The following GDNF variants were observed in gnomAD, a reference collection of about 807,000 sequenced individuals.
GDNF encodes the protein glial cell derived neurotrophic factor.
In GDNF, 5 loss-of-function variants were observed where a neutral mutation model predicts 13.7. The observed-to-expected ratio is 0.36, with a 90% CI of 0.19 to 0.77. The LOEUF is 0.77. Ranked by LOEUF, GDNF falls within the 30% of genes least tolerant of loss-of-function variation. GDNF has a pLI of 0.51. For missense variants in GDNF, 246 were observed against 274.3 expected (o/e 0.90, Z 0.73); for synonymous variants, 122 against 112.5 (o/e 1.08, Z -0.53).
chr5:37,819,453 T>TG, intron 2 of GDNF, among the ~76,000 whole-genome samples: 1 of 150,296 alleles, frequency 6.7e-6, no homozygotes, highest in South Asian at 2.1e-4. Context: ...TCTTTTTTTT[T>TG]TTTTTTTTTT....
chr5:37,825,047 G>T (rs1279973552), intron 2 of GDNF, among the ~76,000 whole-genome samples: 2 of 152,216 alleles, frequency 1.3e-5, no homozygotes, highest in Non-Finnish European at 2.9e-5. Context: ...AGAAAAAGAA[G>T]CTATGGGTGT....
Position 37,815,531 on chromosome 5 carries a change from C to T in GDNF, c.*120G>A. 1.1e-5 allele frequency: 10 copies of T among 913,628 alleles called. No homozygotes were observed. The highest frequency in any genetic ancestry group is 1.8e-5 in the Non-Finnish European group (10 of 559,108). The allele number at this position is 913,628 out of a possible 1,614,324, so 56.6% of individuals were successfully genotyped here. ...TCCTCCTCCTCCTCCTCTTCTTCTT[C>T]CTCCTCCTCCGCCTCCTTGGTCCTC... On this transcript the variant is annotated 3_prime_UTR_variant, in exon 3 of 3. Transcript: ENST00000326524. This position sits in a 1 kb window ranked among gnomAD's most constrained non-coding sequence, Gnocchi z 5.0.
chr5:37,834,213 T>C (rs1210782910), intron 2 of GDNF, among the ~76,000 whole-genome samples: 1 of 152,232 alleles, frequency 6.6e-6, no homozygotes, highest in Non-Finnish European at 1.5e-5. Context: ...AGGCGCAGTT[T>C]AGGATGAAAG....
chr5:37,819,428 A>C (rs1392534636), intron 2 of GDNF, among the ~76,000 whole-genome samples: 1 of 148,208 alleles, frequency 6.7e-6, no homozygotes, highest in African/African-American at 2.5e-5. Flanking sequence ...AAGGGGGCCC[A>C]GGGAAGTGCT....
rs767936927 is a variant in GDNF, at chr5:37,834,777, A to G, written c.20T>C (p.Val7Ala). The change falls in exon 2 of 3, where the codon GTG becomes GCG. Residue 7 changes from valine (V) to alanine (A), a missense_variant. Transcript: ENST00000326524. ...GTGGAGCAGCACCAGGCAGACAGCC[A>G]CGACATCCCATAACTTCATCTTAAA... is the stretch of plus-strand genomic sequence containing the variant. MKLWDVVAVCLVLLHTA... is the reference protein window; with the variant it reads MKLWDVAAVCLVLLHTA... 3 of 1,613,328 alleles carry G rather than the reference A, an allele frequency of 1.9e-6. No individual in the cohort carries two copies. The highest frequency in any genetic ancestry group is 2.5e-6 in the Non-Finnish European group (3 of 1,179,714).
At chr5:37,829,986 A>C (rs1750462477) in intron 2 of GDNF, among the ~76,000 whole-genome samples, 1 of 152,228 alleles carries the variant, frequency 6.6e-6, no homozygotes, top group South Asian at 2.1e-4. Flanking sequence ...ACTTTGTTAA[A>C]GTATTGTTCA....
In GDNF at chr5:37,815,762, C is replaced by A; in HGVS notation, c.525G>T (p.Gly175=). ...AGGCGATGGGTCTGCAACATGCCTG[C>A]CCTACTTTGTCACTCACCAGCCTTC... ...RNRRLVSDKV[G]QACCRPIAFD... Residue 175 remains glycine, a synonymous_variant, in exon 3 of 3, where the codon GGG becomes GGT. Transcript: ENST00000326524. This position sits in a 1 kb window ranked among gnomAD's most constrained non-coding sequence, Gnocchi z 5.0. 1 of 1,614,138 alleles carries A rather than the reference C, an allele frequency of 6.2e-7. No individual in the cohort carries two copies. The highest frequency in any genetic ancestry group is 1.7e-5 in the Admixed American group (1 of 60,016).
chr5:37,817,557 C>A (rs147719157), intron 2 of GDNF, among the ~76,000 whole-genome samples: 1 of 152,170 alleles, frequency 6.6e-6, no homozygotes, highest in Non-Finnish European at 1.5e-5. Flanking sequence ...AGGTATCCCT[C>A]CTATAGAACA....
At chr5:37,832,696 C>T (rs17386472) in intron 2 of GDNF, among the ~76,000 whole-genome samples, 10,393 of 152,280 alleles carry the variant, frequency 0.068, 429 homozygotes, top group Non-Finnish European at 0.093. Context: ...TTTGTGACTA[C>T]TTGTACCTTA....
At position 37,816,139 on chromosome 5, in the gene GDNF, T is replaced by C. The variant is rs1399172179; in HGVS notation, c.152-4A>G. The stretch of plus-strand genomic sequence containing the variant: ...GGATAATCCTCTGGCATATTTGCTG[T>C]TCAAAAAGAAAAGAGAAAATGGCAC... On this transcript the variant is annotated splice_polypyrimidine_tract_variant and splice_region_variant and intron_variant, in intron 2 of 2. Coordinates refer to ENST00000326524, the MANE Select transcript of GDNF (RefSeq NM_000514.4). 6.2e-7 allele frequency: 1 copy of C among 1,613,748 alleles called. No homozygotes were observed. The highest frequency in any genetic ancestry group is 8.5e-7 in the Non-Finnish European group (1 of 1,179,702).
intron 2 of GDNF, among the ~76,000 whole-genome samples, chr5:37,816,604 G>A (rs1170127419): frequency 6.6e-6 from 1 of 152,188 alleles, no homozygotes; most frequent in African/African-American, 2.4e-5. Flanking sequence ...TCTGGGGAGG[G>A]ACCAAGGAAT....
In GDNF at chr5:37,838,103, T is replaced by C. The variant is rs369945997; in HGVS notation, c.-27+1404A>G. On this transcript the variant is annotated intron_variant, in intron 1 of 2. Coordinates refer to ENST00000326524, the MANE Select transcript of GDNF (RefSeq NM_000514.4). This position sits in a 1 kb window ranked among gnomAD's most constrained non-coding sequence, Gnocchi z 4.1. ...TCCTTGACTGACAGAGGACTTATTC[T>C]CCCCTCAACCCCCCATAACTGCGGG... is the stretch of plus-strand genomic sequence containing the variant. Among the ~76,000 whole-genome samples the C allele has an allele frequency of 1.7e-3, 251 of 150,656 alleles. No individual in the cohort carries two copies. The highest frequency in any genetic ancestry group is 5.9e-3 in the African/African-American group (240 of 40,958).
intron 2 of GDNF, among the ~76,000 whole-genome samples, chr5:37,831,749 G>GC (rs1324563055): frequency 2.0e-5 from 3 of 152,206 alleles, no homozygotes; most frequent in Non-Finnish European, 4.4e-5. Flanking sequence ...TATGACATTT[G>GC]CAAGTTTCAA....
chr5:37,825,874 C>T (rs1750296300), intron 2 of GDNF, among the ~76,000 whole-genome samples: 1 of 152,162 alleles, frequency 6.6e-6, no homozygotes, highest in Admixed American at 6.5e-5. Context: ...TTGGTAGATT[C>T]TTGTGGTCAG....
chr5:37,813,958 C>A lies in GDNF; in HGVS notation c.*1693G>T, dbSNP rs188617599. 5.3e-3 allele frequency: 813 copies of A among 153,026 alleles called. 14 individuals are homozygous for A. The highest frequency in any genetic ancestry group is 6.0e-3 in the Non-Finnish European group (410 of 68,258). 9.5% of individuals were successfully genotyped at this position (153,026 alleles called of 1,614,324 possible). Reference sequence around the variant, plus strand: ...AATATGGCTTCCTCAGCACCCTTCTCAGCCATCTGCTCCCCAGGGAGCTGT... The same window carrying A: ...AATATGGCTTCCTCAGCACCCTTCTAAGCCATCTGCTCCCCAGGGAGCTGT... On this transcript the variant is annotated 3_prime_UTR_variant, in exon 3 of 3. Coordinates refer to ENST00000326524, the MANE Select transcript of GDNF (RefSeq NM_000514.4).
At chr5:37,830,533 G>A (rs2973040) in intron 2 of GDNF, among the ~76,000 whole-genome samples, 265 of 152,328 alleles carry the variant, frequency 1.7e-3, no homozygotes, top group African/African-American at 5.8e-3. Context: ...CACAAGGCCT[G>A]CATTTCTCTC....
At chr5:37,817,482 T>C (rs1224922521) in intron 2 of GDNF, among the ~76,000 whole-genome samples, 1 of 152,140 alleles carries the variant, frequency 6.6e-6, no homozygotes, top group Non-Finnish European at 1.5e-5. Flanking sequence ...AAAGATTACA[T>C]TATGTCTAAC....
intron 2 of GDNF, chr5:37,823,177 A>G (rs1370208149): frequency 6.6e-6 from 1 of 152,224 alleles, no homozygotes; most frequent in Non-Finnish European, 1.5e-5. Context: ...GAAGACAAAT[A>G]TTTGGTGAAG....
At chr5:37,820,067 C>T (rs1362379728) in intron 2 of GDNF, among the ~76,000 whole-genome samples, 1 of 152,070 alleles carries the variant, frequency 6.6e-6, no homozygotes, top group Non-Finnish European at 1.5e-5. Flanking sequence ...AAAACAGAGA[C>T]TCTGTTTTAC....
Sources: gnomAD v4.1 joint callset for allele counts (sites outside exome capture counted in the v4.1 genomes callset) on GRCh38, gnomAD v4.1.1 for gene constraint, Gnocchi (gnomAD v3.1) non-coding constraint, MANE v1.5 for transcripts, NCBI Gene and HGNC (gene_info 2026-07-23, HGNC 2026-07-21) for gene names.